The following WDFY4 variants were observed in gnomAD, a reference collection of about 807,000 sequenced individuals.
WDFY4 encodes WD repeat- and FYVE domain-containing protein 4.
In WDFY4, 169 loss-of-function variants were observed where a neutral mutation model predicts 351.9. The ratio of observed to expected loss-of-function variants is 0.48; its 90% CI spans 0.42 to 0.55. The LOEUF is 0.55. Among genes scored for constraint, WDFY4 ranks in the 20% least tolerant of loss-of-function variants. The pLI is 0.00. For synonymous variants in WDFY4, 1,622 were observed against 1,574.6 expected (o/e 1.03, Z -0.71); for missense variants, 3,803 against 3,935.6 (o/e 0.97, Z 0.90).
At chr10:48,846,305 C>T (rs1373244906) in intron 39 of WDFY4, among the ~76,000 whole-genome samples, 1 of 152,240 alleles carries the variant, frequency 6.6e-6, no homozygotes, top group Non-Finnish European at 1.5e-5. Flanking sequence ...ATGTGGTCCT[C>T]TCTGCTTAGA....
intron 3 of WDFY4, 75 bp downstream of exon 3, chr10:48,720,200 G>GC (rs1180458666): frequency 3.5e-6 from 5 of 1,419,564 alleles, no homozygotes; most frequent in Middle Eastern, 1.8e-4. Context: ...GGCCTCTCAG[G>GC]CCCCCCTCTG....
intron 43 of WDFY4, among the ~76,000 whole-genome samples, chr10:48,882,649 G>A (rs947087116): frequency 7.9e-5 from 12 of 152,178 alleles, no homozygotes; most frequent in African/African-American, 2.7e-4. Context: ...AGGTGAATGG[G>A]AGCCAGCGCA....
At chr10:48,926,759 G>A (rs548938500) in intron 47 of WDFY4, among the ~76,000 whole-genome samples, 1 of 152,286 alleles carries the variant, frequency 6.6e-6, no homozygotes, top group South Asian at 2.1e-4. Context: ...AACTGTAAGA[G>A]CTTGGTAATT....
In WDFY4 at chr10:48,803,171, T is replaced by A. The variant is rs896669246; in HGVS notation, c.4411-115T>A. 53 of 963,054 alleles carry A rather than the reference T, an allele frequency of 5.5e-5. No individual in the cohort carries two copies. In the African/African-American group the frequency reaches 7.6e-4, roughly 14 times the overall value. 59.7% of individuals were successfully genotyped at this position (963,054 alleles called of 1,614,324 possible). On this transcript the variant is annotated intron_variant, in intron 24 of 61. Transcript: ENST00000325239. ...ATCTGATTCCAGAGCTGGTACATCA[T>A]GTTGATGATTCCACGTCAGAGGATC... is the stretch of plus-strand genomic sequence containing the variant.
intron 47 of WDFY4, among the ~76,000 whole-genome samples, chr10:48,917,738 AG>A (rs1455814574): frequency 1.4e-4 from 21 of 152,374 alleles, no homozygotes; most frequent in Admixed American, 4.6e-4. Flanking sequence ...TGTCCAAGGA[AG>A]TTCTTCAGGT....
Position 48,805,331 on chromosome 10 carries a change from A to G in WDFY4, c.4556A>G (p.Glu1519Gly). ...CCCAAGCTCATCTTCCTATTCAATG[A>G]GCCGAGCCTCATCCCCTCCAAGATC... is the stretch of plus-strand genomic sequence containing the variant. Reference protein sequence around the residue: ...LIPKLIFLFNEPSLIPSKIST... With the variant: ...LIPKLIFLFNGPSLIPSKIST... The change falls in exon 26 of 62, where the codon GAG becomes GGG. Residue 1519 changes from glutamate (E) to glycine (G), a missense_variant. Transcript: ENST00000325239. 1.9e-6 allele frequency: 3 copies of G among 1,548,250 alleles called. No individual in the cohort carries two copies. The highest frequency in any genetic ancestry group is 2.6e-6 in the Non-Finnish European group (3 of 1,146,672).
intron 54 of WDFY4, among the ~76,000 whole-genome samples, chr10:48,965,078 C>T (rs1842018487): frequency 6.6e-6 from 1 of 152,110 alleles, no homozygotes; most frequent in African/African-American, 2.4e-5. Flanking sequence ...GGAAATAAGC[C>T]TGTTAGCCTA....
chr10:48,790,985 A>G (rs2066658888), intron 23 of WDFY4, 68 bp downstream of exon 23: 5 of 1,522,992 alleles, frequency 3.3e-6, no homozygotes, highest in Non-Finnish European at 3.5e-6. Flanking sequence ...AACAGGGACA[A>G]GCGTTGCTTG....
intron 31 of WDFY4, among the ~76,000 whole-genome samples, chr10:48,814,688 T>A (rs2067563648): frequency 6.6e-6 from 1 of 152,206 alleles, no homozygotes; most frequent in African/African-American, 2.4e-5. Context: ...CAAAGGCAAT[T>A]GGAGGCCTGA....
At chr10:48,742,221 G>C (rs141027824) in intron 11 of WDFY4, among the ~76,000 whole-genome samples, 2 of 152,204 alleles carry the variant, frequency 1.3e-5, no homozygotes, top group African/African-American at 4.8e-5. Flanking sequence ...TGGATTCCAC[G>C]ATGTATCCTA....
At chr10:48,917,409 C>T (rs553486584) in intron 47 of WDFY4, among the ~76,000 whole-genome samples, 66 of 152,224 alleles carry the variant, frequency 4.3e-4, no homozygotes, top group African/African-American at 1.5e-3. Context: ...GGAAGCTCAG[C>T]GAACTCCAAA....
intron 39 of WDFY4, among the ~76,000 whole-genome samples, chr10:48,842,110 G>A (rs562242121): frequency 6.6e-6 from 1 of 151,998 alleles, no homozygotes; most frequent in African/African-American, 2.4e-5. Flanking sequence ...AATTGGTACT[G>A]GATCCAGGCC....
chr10:48,879,400 T>C (rs1045811323), intron 43 of WDFY4, among the ~76,000 whole-genome samples: 3 of 152,160 alleles, frequency 2.0e-5, no homozygotes, highest in Admixed American at 6.5e-5. Flanking sequence ...ACAGATATCA[T>C]GCTCCAGCTA....
At chr10:48,710,697 A>C (rs1000877492) in intron 2 of WDFY4, among the ~76,000 whole-genome samples, 1 of 152,236 alleles carries the variant, frequency 6.6e-6, no homozygotes, top group Non-Finnish European at 1.5e-5. Context: ...AAAAGCCAGA[A>C]TATCTTGCAT....
In WDFY4 at chr10:48,769,806, CACAG is replaced by C. The variant is rs113993827; in HGVS notation, c.2554-4643_2554-4640del. On this transcript the variant is annotated intron_variant, in intron 13 of 61. Coordinates refer to ENST00000325239, the MANE Select transcript of WDFY4 (RefSeq NM_001394531.1). ...AGAGCGATACATAAGAATGAACATC[CACAG>C]ACAGACAGCGTGGACTTAAAGGCTA... 1.3e-3 allele frequency among the ~76,000 whole-genome samples: 205 copies of C among 152,310 alleles called. 2 individuals carry two copies. Among genetic ancestry groups the C allele is most frequent in the African/African-American group, 4.7e-3 (195 of 41,550 alleles).
chr10:48,888,636 A>G (rs1245593312), intron 43 of WDFY4, among the ~76,000 whole-genome samples: 1 of 152,054 alleles, frequency 6.6e-6, no homozygotes, highest in Admixed American at 6.5e-5. Flanking sequence ...TGATGTTGGT[A>G]CTCCTAATTT....
intron 57 of WDFY4, among the ~76,000 whole-genome samples, chr10:48,974,527 A>AAAAAAACAAAACAAC: frequency 1.7e-4 from 4 of 23,190 alleles, no homozygotes; most frequent in Non-Finnish European, 3.7e-4. Flanking sequence ...AAAAAAAAAA[A>AAAAAAACAAAACAAC]AACAACTCAT....
chr10:48,826,740 A>G lies in WDFY4; in HGVS notation c.6052A>G (p.Ile2018Val), dbSNP rs1249184062. ...TTTATACAGCAGTTTAAATAAAGTC[A>G]TTCTTTATTGCCTATCCAAGCCCCA... is the stretch of plus-strand genomic sequence containing the variant. ...STLYSSLNKVILYCLSKPQQS... is the reference protein window; with the variant it reads ...STLYSSLNKVVLYCLSKPQQS... The change falls in exon 36 of 62, where the codon ATT becomes GTT. Residue 2018 changes from isoleucine to valine, a missense_variant. This residue lies in a region of WDFY4 where 3,054 missense variants were observed against 3,148.6 expected (regional missense o/e 0.97). Coordinates refer to ENST00000325239, the MANE Select transcript of WDFY4 (RefSeq NM_001394531.1). The G allele has an allele frequency of 1.9e-6, 3 of 1,551,860 alleles. No homozygotes were observed. Among genetic ancestry groups the G allele is most frequent in the South Asian group, 2.4e-5 (2 of 84,062 alleles).
At chr10:48,765,312 A>C (rs2065633831) in intron 13 of WDFY4, among the ~76,000 whole-genome samples, 1 of 152,228 alleles carries the variant, frequency 6.6e-6, no homozygotes, top group Non-Finnish European at 1.5e-5. Flanking sequence ...GATTGTGGTC[A>C]AGTCTCAGCT....
Sources: gnomAD v4.1 joint callset for allele counts (sites outside exome capture counted in the v4.1 genomes callset) on GRCh38, gnomAD v4.1.1 for gene constraint, gnomAD v4.1.1 regional missense constraint, MANE v1.5 for transcripts, NCBI Gene and HGNC (gene_info 2026-07-23, HGNC 2026-07-21) for gene names.